ARL17B: variants seen among roughly 807,000 people sequenced by gnomAD.
The protein encoded by ARL17B is ADP-ribosylation factor-like protein 17.
At chr17:46,290,899 A>G (rs1435952626) in intron 4 of ARL17B, among the ~76,000 whole-genome samples, 2 of 148,096 alleles carry the variant, frequency 1.4e-5, no homozygotes, top group Non-Finnish European at 3.1e-5. Flanking sequence ...TGTACCTGAA[A>G]TAAGTTTGCT....
chr17:46,290,222 TG>T (rs113784248), intron 4 of ARL17B, among the ~76,000 whole-genome samples: 19,878 of 151,400 alleles, frequency 0.13, 390 homozygotes, highest in Non-Finnish European at 0.2. Context: ...GTCGACCTCC[TG>T]GGGTCAAGCA....
chr17:46,285,523 G>A (rs1159599904), intron 4 of ARL17B, among the ~76,000 whole-genome samples: 1 of 152,188 alleles, frequency 6.6e-6, no homozygotes, highest in African/African-American at 2.4e-5. Context: ...TTACAGGTGT[G>A]AGCCCCCGTA....
At chr17:46,340,642 A>C (rs2052494123) in intron 3 of ARL17B, among the ~76,000 whole-genome samples, 1 of 73,012 alleles carries the variant, frequency 1.4e-5, no homozygotes, top group East Asian at 2.4e-4. Context: ...TTCCAGGTTC[A>C]AGTGATTCTC....
At chr17:46,284,819 G>A (rs978481686) in intron 4 of ARL17B, among the ~76,000 whole-genome samples, 7 of 152,220 alleles carry the variant, frequency 4.6e-5, no homozygotes, top group African/African-American at 1.7e-4. Context: ...CAATTCTTGT[G>A]ATTATGATAA....
chr17:46,284,817 G>A (rs192176785), intron 4 of ARL17B, among the ~76,000 whole-genome samples: 1 of 152,312 alleles, frequency 6.6e-6, no homozygotes, highest in Admixed American at 6.5e-5. Flanking sequence ...TTCAATTCTT[G>A]TGATTATGAT....
chr17:46,277,637 TTTTC>T (rs112114151), intron 4 of ARL17B, among the ~76,000 whole-genome samples: 10 of 150,258 alleles, frequency 6.7e-5, no homozygotes, highest in Non-Finnish European at 7.4e-5. Flanking sequence ...TTTTCTTTTC[TTTTC>T]TTTCTTTCTT....
At chr17:46,286,942 C>A (rs1295885012) in intron 4 of ARL17B, among the ~76,000 whole-genome samples, 1 of 152,220 alleles carries the variant, frequency 6.6e-6, no homozygotes, top group South Asian at 2.1e-4. Context: ...GCAGTTAGTA[C>A]AAAGATCACA....
intron 4 of ARL17B, among the ~76,000 whole-genome samples, chr17:46,290,168 C>T (rs1321577739): frequency 7.2e-5 from 11 of 152,240 alleles, no homozygotes; most frequent in African/African-American, 1.7e-4. Flanking sequence ...CTCACTTGAT[C>T]GCCCCGGCTA....
intron 3 of ARL17B, among the ~76,000 whole-genome samples, chr17:46,321,337 C>A: frequency 1.2e-5 from 1 of 84,132 alleles, no homozygotes. Context: ...GCCTGGGTGA[C>A]AGAGTGAGAC....
intron 3 of ARL17B, among the ~76,000 whole-genome samples, chr17:46,300,055 A>C (rs2143552815): frequency 1.9e-5 from 1 of 52,394 alleles, no homozygotes; most frequent in East Asian, 3.4e-4. Flanking sequence ...AATAAGAGGC[A>C]ATTTAAATTT....
At chr17:46,285,691 T>TG in intron 4 of ARL17B, among the ~76,000 whole-genome samples, 1 of 152,168 alleles carries the variant, frequency 6.6e-6, no homozygotes, top group East Asian at 1.9e-4. Flanking sequence ...GCTGAGGTGG[T>TG]GTGGGGATAT....
intron 4 of ARL17B, among the ~76,000 whole-genome samples, chr17:46,279,189 T>C (rs923617460): frequency 1.8e-4 from 21 of 115,176 alleles, no homozygotes; most frequent in African/African-American, 5.3e-4. Context: ...TTTTTCTTTT[T>C]TTTTTTTTTT....
rs1343954456 is a variant in ARL17B, at chr17:46,326,025, G to A, written c.260-26360C>T. Among the ~76,000 whole-genome samples, 14 of 60,006 alleles carry A rather than the reference G, an allele frequency of 2.3e-4. 3 individuals are homozygous for A. The highest frequency in any genetic ancestry group is 2.0e-3 in the Admixed American group (12 of 5,972). 39.4% of individuals were successfully genotyped at this position (60,006 alleles called of 152,430 possible). On this transcript the variant is annotated intron_variant, in intron 3 of 4. Transcript: ENST00000434041. ...GCCTGTAATCCCAGCACTTTGGGAG[G>A]CCAAAGAGAGAGGGTTGCTTGTGCC...
chr17:46,332,702 T>C (rs780619191), downstream of ARL17B: 10 of 752,660 alleles, frequency 1.3e-5, no homozygotes, highest in Admixed American at 4.8e-5. Flanking sequence ...AGTCCTGTCT[T>C]TGTGTGGATT....
intron 4 of ARL17B, among the ~76,000 whole-genome samples, chr17:46,288,187 G>A (rs187499248): frequency 6.6e-6 from 1 of 151,934 alleles, no homozygotes; most frequent in African/African-American, 2.4e-5. Context: ...TATAACCCAG[G>A]CTGCAGGGCA....
intron 3 of ARL17B, among the ~76,000 whole-genome samples, chr17:46,321,262 A>G: frequency 1.3e-5 from 1 of 74,080 alleles, no homozygotes; most frequent in Non-Finnish European, 2.2e-5. Flanking sequence ...AGGCTAAGGC[A>G]GGAGAATTGC....
intron 4 of ARL17B, among the ~76,000 whole-genome samples, chr17:46,283,476 T>G (rs2049824926): frequency 6.6e-6 from 1 of 152,262 alleles, no homozygotes. Flanking sequence ...ACTACATCAA[T>G]GAACCCAAAA....
chr17:46,287,984 C>G (rs1189100404), intron 4 of ARL17B, among the ~76,000 whole-genome samples: 8 of 152,232 alleles, frequency 5.3e-5, no homozygotes, highest in Non-Finnish European at 1.0e-4. Flanking sequence ...TACCATGAAT[C>G]ACAGGGAAGC....
At chr17:46,288,458 GCCA>G (rs2049978498) in intron 4 of ARL17B, among the ~76,000 whole-genome samples, 1 of 151,284 alleles carries the variant, frequency 6.6e-6, no homozygotes, top group South Asian at 2.1e-4. Context: ...ACAGGTGTGT[GCCA>G]CCACATCTGG....
Sources: gnomAD v4.1 joint callset for allele counts (sites outside exome capture counted in the v4.1 genomes callset) on GRCh38, gnomAD v4.1.1 for gene constraint, MANE v1.5 for transcripts, NCBI Gene and HGNC (gene_info 2026-07-23, HGNC 2026-07-21) for gene names.